The following PLPP7 variants were observed in gnomAD, a reference collection of about 807,000 sequenced individuals.
The protein encoded by PLPP7 is phospholipid phosphatase 7 (inactive).
In PLPP7, 11 loss-of-function variants were observed where a neutral mutation model predicts 16.9. The ratio of observed to expected loss-of-function variants is 0.65; its 90% confidence interval spans 0.41 to 1.08. The LOEUF (loss-of-function observed/expected upper bound fraction) is 1.08. PLPP7 is among the 50% of genes least tolerant of loss of function. The probability of loss-of-function intolerance (pLI) is 0.00; values close to 1 mark genes in which losing one functional copy is unlikely to be tolerated. For missense variants in PLPP7, 358 were observed against 397.1 expected, an observed-to-expected ratio of 0.90 and a Z score of 0.84; for synonymous variants, 174 against 175.1, an observed-to-expected ratio of 0.99 and a Z score of 0.05.
At chr9:131,307,275 G>A (rs1403869213) in intron 1 of PLPP7, among the ~76,000 whole-genome samples, 1 of 150,062 alleles carries the variant, frequency 6.7e-6, no homozygotes, top group East Asian at 1.9e-4. Flanking sequence ...AAAAGGGCCG[G>A]GCGCAGTGGC....
intron 1 of PLPP7, chr9:131,291,196 G>T: frequency 2.2e-6 from 3 of 1,362,652 alleles, no homozygotes; most frequent in South Asian, 1.1e-5. Flanking sequence ...CCCAGCCCCC[G>T]TCCGGCCCAC....
chr9:131,298,011 A>G (rs1835753939), intron 1 of PLPP7, among the ~76,000 whole-genome samples: 1 of 152,132 alleles, frequency 6.6e-6, no homozygotes, highest in Admixed American at 6.5e-5. Context: ...TGCAGTGGCC[A>G]CAGCATGCTC....
intron 1 of PLPP7, among the ~76,000 whole-genome samples, chr9:131,302,545 G>A (rs2131219072): frequency 6.6e-6 from 1 of 152,318 alleles, no homozygotes; most frequent in East Asian, 1.9e-4. Context: ...GAGCTGGCCA[G>A]CCACACGCCT....
In PLPP7 at chr9:131,290,918, AGGAACC is replaced by A. The variant is rs1224382632; in HGVS notation, c.451+473_451+478del. Among the ~76,000 whole-genome samples the A allele has an allele frequency of 1.3e-5, 2 of 152,206 alleles. No homozygotes were observed. Among genetic ancestry groups the A allele is most frequent in the East Asian group, 3.9e-4 (2 of 5,162 alleles). On this transcript the variant is annotated intron_variant, in intron 1 of 1. Transcript: ENST00000372264. The surrounding 1 kb of genome is among the most constrained non-coding windows in gnomAD (Gnocchi z 4.2). ...CCATGAGCACCTCCCGCCTCGGTTC[AGGAACC>A]GGGAAAGCTGCCCAGGCTTCTTCCC... is the stretch of plus-strand genomic sequence containing the variant.
chr9:131,307,951 C>T lies in PLPP7; in HGVS notation c.480C>T (p.Ala160=), dbSNP rs746436072. The part of the protein sequence containing the change: ...LALLLDIMTV[A]GVQKLIKRRG... ...TGCTCCTGGACATCATGACGGTGGCCGGCGTGCAGAAGCTCATCAAGCGGC... is the reference window on the plus strand; with the variant it reads ...TGCTCCTGGACATCATGACGGTGGCTGGCGTGCAGAAGCTCATCAAGCGGC... The change falls in exon 2 of 2, where the codon GCC becomes GCT. Residue 160 remains alanine, a synonymous_variant. Transcript: ENST00000372264. 1.1e-5 allele frequency: 17 copies of T among 1,595,114 alleles called. No individual in the cohort carries two copies. Among genetic ancestry groups the T allele is most frequent in the African/African-American group, 4.0e-5 (3 of 74,838 alleles).
intron 1 of PLPP7, among the ~76,000 whole-genome samples, chr9:131,306,142 C>A (rs1266834085): frequency 6.6e-6 from 1 of 151,998 alleles, no homozygotes. Flanking sequence ...GAGGCTGAGG[C>A]AGGAGAATGG....
At chr9:131,293,424 A>C (rs1298719407) in intron 1 of PLPP7, among the ~76,000 whole-genome samples, 1 of 152,158 alleles carries the variant, frequency 6.6e-6, no homozygotes, top group Non-Finnish European at 1.5e-5. Flanking sequence ...GGGGACCCCG[A>C]GGTCACTCTG....
At chr9:131,302,997 C>T (rs1835815275) in intron 1 of PLPP7, among the ~76,000 whole-genome samples, 1 of 152,126 alleles carries the variant, frequency 6.6e-6, no homozygotes, top group African/African-American at 2.4e-5. Flanking sequence ...AAGCAGGCAG[C>T]AGAACAACAT....
In PLPP7 at chr9:131,290,561, G is replaced by A. The variant is rs926663687; in HGVS notation, c.451+113G>A. Reference sequence around the variant, plus strand: ...CAGCCCTCAGAAACCGGCTGGGATGGTCTAATGAGGTTAGGCAGGAAGGGT... The same window carrying A: ...CAGCCCTCAGAAACCGGCTGGGATGATCTAATGAGGTTAGGCAGGAAGGGT... On this transcript the variant is annotated intron_variant, in intron 1 of 1. Coordinates refer to ENST00000372264, the MANE Select transcript of PLPP7 (RefSeq NM_032728.4). The surrounding 1 kb of genome is among the most constrained non-coding windows in gnomAD (Gnocchi z 4.2). 1.8e-5 allele frequency: 19 copies of A among 1,038,480 alleles called. No homozygotes were observed. In the South Asian group the frequency reaches 3.8e-4, roughly 21 times the overall value. The allele number at this position is 1,038,480 out of a possible 1,614,324, so 64.3% of individuals were successfully genotyped here. A position where few individuals can be genotyped will look rare whatever the true frequency, so the allele number is the denominator to read the frequency against.
intron 1 of PLPP7, among the ~76,000 whole-genome samples, chr9:131,302,263 C>T (rs373168419): frequency 6.6e-6 from 1 of 152,186 alleles, no homozygotes; most frequent in Non-Finnish European, 1.5e-5. Flanking sequence ...TGCCTTCCCT[C>T]GCCAGGTGGA....
chr9:131,290,517 A>C lies in PLPP7; in HGVS notation c.451+69A>C. 3 of 1,402,204 alleles carry C rather than the reference A, an allele frequency of 2.1e-6. No homozygotes were observed. Among genetic ancestry groups the C allele is most frequent in the Non-Finnish European group, 2.8e-6 (3 of 1,062,368 alleles). The allele number at this position is 1,402,204 out of a possible 1,614,324, so 86.9% of individuals were successfully genotyped here. On this transcript the variant is annotated intron_variant, in intron 1 of 1. Coordinates refer to ENST00000372264, the MANE Select transcript of PLPP7 (RefSeq NM_032728.4). The surrounding 1 kb of genome is among the most constrained non-coding windows in gnomAD (Gnocchi z 4.2). Reference sequence around the variant, plus strand: ...GAGGCAGCCTGGCCTGCCCAACCCCACCCTGGCCGGGACCTGCACAGCCCT... The same window carrying C: ...GAGGCAGCCTGGCCTGCCCAACCCCCCCCTGGCCGGGACCTGCACAGCCCT...
intron 1 of PLPP7, among the ~76,000 whole-genome samples, chr9:131,294,144 G>A (rs1044570635): frequency 6.6e-6 from 1 of 152,144 alleles, no homozygotes; most frequent in South Asian, 2.1e-4. Context: ...CAAGACTCTA[G>A]AAAGCTCAGA....
intron 1 of PLPP7, among the ~76,000 whole-genome samples, chr9:131,306,892 G>C (rs971612666): frequency 1.3e-5 from 2 of 152,188 alleles, no homozygotes; most frequent in African/African-American, 4.8e-5. Context: ...TGCCGCTGAA[G>C]CGTGCACTCT....
Position 131,308,159 on chromosome 9 carries a change from G to A in PLPP7, c.688G>A (p.Val230Met), listed in dbSNP as rs755553260. ...LWALCVGLSRVMIGRHHVTDV... is the reference protein window; with the variant it reads ...LWALCVGLSRMMIGRHHVTDV... ...GGCCCTCTGCGTGGGCCTGTCCCGC[G>A]TGATGATCGGCCGCCACCACGTCAC... is the stretch of plus-strand genomic sequence containing the variant. The change falls in exon 2 of 2, where the codon GTG (valine) becomes ATG (methionine). Residue 230 changes from valine (V) to methionine (M), a missense_variant. Transcript: ENST00000372264. 6.2e-6 allele frequency: 10 copies of A among 1,600,408 alleles called. No individual in the cohort carries two copies. The highest frequency in any genetic ancestry group is 2.2e-5 in the East Asian group (1 of 44,874).
chr9:131,307,801 A>G (rs1197286025), intron 1 of PLPP7, 122 bp from the exon 2 acceptor site: 9 of 1,001,378 alleles, frequency 9.0e-6, no homozygotes, highest in Non-Finnish European at 1.1e-5. Flanking sequence ...CCTGGGGGTC[A>G]GTGTGGCTGA....
At position 131,309,207 on chromosome 9, in the gene PLPP7, G is replaced by A. The variant is rs1431566476; in HGVS notation, c.*920G>A. On this transcript the variant is annotated 3_prime_UTR_variant, in exon 2 of 2. Transcript: ENST00000372264. Reference sequence around the variant, plus strand: ...GTGTGACCTAATAGGTCGTTTCCAAGTCACCCGTTTTGGATGTGCATTTCA... The same window carrying A: ...GTGTGACCTAATAGGTCGTTTCCAAATCACCCGTTTTGGATGTGCATTTCA... The A allele has an allele frequency of 6.6e-6, 1 of 152,658 alleles. No homozygotes were observed. The highest frequency in any genetic ancestry group is 1.5e-5 in the Non-Finnish European group (1 of 68,040). 9.5% of individuals were successfully genotyped at this position (152,658 alleles called of 1,614,324 possible).
At chr9:131,296,555 A>G (rs1339500425) in intron 1 of PLPP7, among the ~76,000 whole-genome samples, 1 of 152,168 alleles carries the variant, frequency 6.6e-6, no homozygotes, top group Non-Finnish European at 1.5e-5. Flanking sequence ...TGCCCAGCCT[A>G]CACATTCTTG....
intron 1 of PLPP7, among the ~76,000 whole-genome samples, chr9:131,300,136 C>T (rs924573146): frequency 1.3e-5 from 2 of 152,186 alleles, no homozygotes; most frequent in African/African-American, 4.8e-5. Flanking sequence ...GGGGCCGCAT[C>T]TGGTGAGGGC....
Position 131,289,950 on chromosome 9 carries a change from C to G in PLPP7, c.-48C>G, listed in dbSNP as rs1170200360. ...CAGCTCTTGTCTTCGGGGAGAAGGC[C>G]CTTGGAGCCGGGCTGGCATCGGCCT... On this transcript the variant is annotated 5_prime_UTR_variant, in exon 1 of 2. Coordinates refer to ENST00000372264, the MANE Select transcript of PLPP7 (RefSeq NM_032728.4). 1 of 1,367,870 alleles carries G rather than the reference C, an allele frequency of 7.3e-7. No individual in the cohort carries two copies. Among genetic ancestry groups the G allele is most frequent in the Non-Finnish European group, 9.4e-7 (1 of 1,062,360 alleles). The allele number at this position is 1,367,870 out of a possible 1,614,324, so 84.7% of individuals were successfully genotyped here.
Sources: gnomAD v4.1 joint callset for allele counts (sites outside exome capture counted in the v4.1 genomes callset) on GRCh38, gnomAD v4.1.1 for gene constraint, Gnocchi (gnomAD v3.1) non-coding constraint, MANE v1.5 for transcripts, NCBI Gene and HGNC (gene_info 2026-07-23, HGNC 2026-07-21) for gene names.